Variants in ZNF516 observed in about 807,000 individuals in gnomAD.
ZNF516 encodes zinc finger protein 516.
Under a neutral mutation model 79.7 loss-of-function variants are expected in ZNF516, and 19 were observed. The observed-to-expected ratio is 0.24, with a 90% CI of 0.17 to 0.35. The LOEUF is 0.35. Among genes scored for constraint, ZNF516 ranks in the 10% least tolerant of loss-of-function variants. ZNF516 has a pLI of 1.00. For missense variants in ZNF516, 1,678 were observed against 1,679.5 expected (o/e 1.00, Z 0.02); for synonymous variants, 877 against 739.5 (o/e 1.19, Z -3.02).
At chr18:76,466,438 C>A (rs777835209) in intron 1 of ZNF516, among the ~76,000 whole-genome samples, 1 of 152,236 alleles carries the variant, frequency 6.6e-6, no homozygotes, top group African/African-American at 2.4e-5. Flanking sequence ...GATGCTGGCA[C>A]GGAGGCCGAC....
chr18:76,379,914 C>T lies in ZNF516; in HGVS notation c.2200G>A (p.Asp734Asn). Reference sequence around the variant, plus strand: ...TCCCGCGTCGACCTCGCACTTAAATCTAGCGGCATGAGGTCTGGGGCCAGC... The same window carrying T: ...TCCCGCGTCGACCTCGCACTTAAATTTAGCGGCATGAGGTCTGGGGCCAGC... ...RALAPDLMPLDLSARSTRDDP... is the reference protein window; with the variant it reads ...RALAPDLMPLNLSARSTRDDP... Residue 734 changes from aspartate to asparagine, a missense_variant, in exon 4 of 7, where the codon GAT becomes AAT. Asp to Asn is a conservative substitution (Grantham distance 23). This residue lies in a region of ZNF516 where 1,294 missense variants were observed against 1,248.3 expected (regional missense o/e 1.04). Coordinates refer to ENST00000443185, the MANE Select transcript of ZNF516 (RefSeq NM_014643.4). The T allele has an allele frequency of 6.2e-7, 1 of 1,614,016 alleles. No individual in the cohort carries two copies.
intron 3 of ZNF516, among the ~76,000 whole-genome samples, chr18:76,397,709 C>T (rs764066310): frequency 1.3e-5 from 2 of 152,154 alleles, no homozygotes; most frequent in African/African-American, 4.8e-5. Flanking sequence ...GCCCTCCTCC[C>T]ACCTCAACCT....
In ZNF516 at chr18:76,361,654, G is replaced by T. The variant is rs2074539082; in HGVS notation, c.*844C>A. On this transcript the variant is annotated 3_prime_UTR_variant, in exon 7 of 7. Coordinates refer to ENST00000443185, the MANE Select transcript of ZNF516 (RefSeq NM_014643.4). ...GCTAAATAATTTGTTAAGACGTATA[G>T]TCTTCCTTTGTAAGCAGTTTGCAGA... The T allele has an allele frequency of 6.6e-6, 1 of 152,230 alleles. No homozygotes were observed. The highest frequency in any genetic ancestry group is 1.5e-5 in the Non-Finnish European group (1 of 68,050). The allele number at this position is 152,230 out of a possible 1,614,324, so 9.4% of individuals were successfully genotyped here.
At chr18:76,398,073 G>A (rs781229424) in intron 3 of ZNF516, among the ~76,000 whole-genome samples, 2 of 152,288 alleles carry the variant, frequency 1.3e-5, no homozygotes, top group African/African-American at 2.4e-5. Flanking sequence ...CAGTTTATCC[G>A]GCATAAAACA....
chr18:76,405,615 T>C (rs139657610), intron 3 of ZNF516, among the ~76,000 whole-genome samples: 139 of 152,088 alleles, frequency 9.1e-4, no homozygotes, highest in African/African-American at 3.3e-3. Flanking sequence ...TGTGTTCTCA[T>C]TGCGGTTCTG....
intron 3 of ZNF516, among the ~76,000 whole-genome samples, chr18:76,428,616 G>A (rs1004761135): frequency 3.3e-5 from 5 of 152,352 alleles, no homozygotes; most frequent in African/African-American, 4.8e-5. Flanking sequence ...ATACTGTCAC[G>A]TGGGGAAGCA....
chr18:76,442,653 G>A lies in ZNF516; in HGVS notation c.402C>T (p.Ala134=), dbSNP rs759445542. ...CCCCGTTCAGGACCCTGGCGCCGTC[G>A]GCCTGCGAGGCCCCGTTCAGCAGCC... ...CNRLLNGASQ[A]DGARVLNGAS... Residue 134 remains alanine, a synonymous_variant, in exon 3 of 7, where the codon GCC becomes GCT. Coordinates refer to ENST00000443185, the MANE Select transcript of ZNF516 (RefSeq NM_014643.4). 1.3e-6 allele frequency: 2 copies of A among 1,585,474 alleles called. No individual in the cohort carries two copies. Among genetic ancestry groups the A allele is most frequent in the Non-Finnish European group, 8.5e-7 (1 of 1,171,390 alleles).
intron 3 of ZNF516, chr18:76,387,287 G>C (rs1477013221): frequency 6.6e-6 from 1 of 152,330 alleles, no homozygotes; most frequent in African/African-American, 2.4e-5. Flanking sequence ...ACCCAGGCCG[G>C]TTTAGTAACC....
intron 3 of ZNF516, among the ~76,000 whole-genome samples, chr18:76,400,031 G>A (rs542489154): frequency 2.5e-4 from 38 of 152,262 alleles, no homozygotes; most frequent in African/African-American, 8.7e-4. Context: ...AGAGCAATCA[G>A]CCCTGCCCAA....
intron 1 of ZNF516, chr18:76,488,125 C>T: frequency 2.0e-6 from 2 of 985,040 alleles, no homozygotes; most frequent in Non-Finnish European, 1.2e-6. Flanking sequence ...TGTATTCCAA[C>T]CATCACCCAC....
chr18:76,457,079 G>A (rs993405163), intron 2 of ZNF516, among the ~76,000 whole-genome samples: 8 of 152,234 alleles, frequency 5.3e-5, no homozygotes, highest in African/African-American at 1.4e-4. Context: ...TATGCAGCCT[G>A]CCAGTAAGAC....
chr18:76,433,769 GTCGCAGCACA>G (rs1862265717), intron 3 of ZNF516, among the ~76,000 whole-genome samples: 1 of 152,198 alleles, frequency 6.6e-6, no homozygotes, highest in Non-Finnish European at 1.5e-5. Context: ...GATGGGCTTA[GTCGCAGCACA>G]TCACGGATAC....
Position 76,459,495 on chromosome 18 carries a change from C to T in ZNF516, c.-158+3533G>A, listed in dbSNP as rs73975481. On this transcript the variant is annotated intron_variant, in intron 2 of 6. Transcript: ENST00000443185. The surrounding 1 kb of genome is among the most constrained non-coding windows in gnomAD (Gnocchi z 5.0). ...CCTGAGCTCAGCCCAGGATTTGTGC[C>T]ATTCAGGACGTGGCGGCCGTGTGCA... Among the ~76,000 whole-genome samples, 5,297 of 152,342 alleles carry T rather than the reference C, an allele frequency of 0.035. 299 individuals are homozygous for T. Among genetic ancestry groups the T allele is most frequent in the African/African-American group, 0.12 (4,999 of 41,564 alleles).
At chr18:76,449,826 G>T (rs1912284476) in intron 2 of ZNF516, among the ~76,000 whole-genome samples, 1 of 152,168 alleles carries the variant, frequency 6.6e-6, no homozygotes, top group African/African-American at 2.4e-5. Context: ...TAGAAAGCTG[G>T]ATTCAAAATA....
intron 6 of ZNF516, among the ~76,000 whole-genome samples, chr18:76,365,653 G>A (rs767321642): frequency 2.0e-5 from 3 of 152,168 alleles, no homozygotes; most frequent in African/African-American, 2.4e-5. Context: ...TGATTTGGAG[G>A]ATCAGCGGTC....
intron 6 of ZNF516, among the ~76,000 whole-genome samples, chr18:76,363,801 C>T (rs188764512): frequency 2.6e-5 from 4 of 152,302 alleles, no homozygotes; most frequent in Admixed American, 2.6e-4. Context: ...GGAAAATGGT[C>T]TTCGTGTTTA....
chr18:76,487,472 T>A (rs1054197187), intron 1 of ZNF516, among the ~76,000 whole-genome samples: 1 of 152,240 alleles, frequency 6.6e-6, no homozygotes, highest in Admixed American at 6.5e-5. Context: ...TATTCTTCAG[T>A]TAGAAAAATT....
Position 76,362,419 on chromosome 18 carries a change from A to T in ZNF516, c.*79T>A. On this transcript the variant is annotated 3_prime_UTR_variant, in exon 7 of 7. Coordinates refer to ENST00000443185, the MANE Select transcript of ZNF516 (RefSeq NM_014643.4). Reference sequence around the variant, plus strand: ...TTCTTCCATGGAGCGGCCAGGTCACAGGTGGGAGGCTGCTGGGACATCGTG... The same window carrying T: ...TTCTTCCATGGAGCGGCCAGGTCACTGGTGGGAGGCTGCTGGGACATCGTG... The T allele has an allele frequency of 6.9e-7, 1 of 1,447,138 alleles. No homozygotes were observed. The highest frequency in any genetic ancestry group is 9.6e-7 in the Non-Finnish European group (1 of 1,043,730). 89.6% of individuals were successfully genotyped at this position (1,447,138 alleles called of 1,614,324 possible).
At chr18:76,438,345 C>G (rs2075772311) in intron 3 of ZNF516, among the ~76,000 whole-genome samples, 1 of 152,234 alleles carries the variant, frequency 6.6e-6, no homozygotes, top group South Asian at 2.1e-4. Context: ...TCTAAGCTCC[C>G]TGAGCCTACT....
Sources: gnomAD v4.1 joint callset for allele counts (sites outside exome capture counted in the v4.1 genomes callset) on GRCh38, gnomAD v4.1.1 for gene constraint, gnomAD v4.1.1 regional missense constraint, Gnocchi (gnomAD v3.1) non-coding constraint, MANE v1.5 for transcripts, NCBI Gene and HGNC (gene_info 2026-07-23, HGNC 2026-07-21) for gene names.